The following AMBRA1 variants were observed in gnomAD, a reference collection of about 807,000 sequenced individuals.
AMBRA1 encodes activating molecule in BECN1-regulated autophagy protein 1.
AMBRA1 carries 47 observed loss-of-function variants against 125.4 expected under a neutral mutation model. The ratio of observed to expected loss-of-function variants is 0.37; its 90% CI spans 0.30 to 0.48. The LOEUF (loss-of-function observed/expected upper bound fraction) is 0.48. Ranked by LOEUF, AMBRA1 falls within the 20% of genes least tolerant of loss-of-function variation. The probability of loss-of-function intolerance (pLI) is 0.99; values close to 1 mark genes in which losing one functional copy is unlikely to be tolerated. For missense variants in AMBRA1, 1,331 were observed against 1,693.4 expected (o/e 0.79, Z 3.76); for synonymous variants, 626 against 655.5 (o/e 0.95, Z 0.69).
chr11:46,539,753 T>G (rs1362065165), intron 7 of AMBRA1, among the ~76,000 whole-genome samples: 1 of 152,162 alleles, frequency 6.6e-6, no homozygotes. Flanking sequence ...CATAGAGTCG[T>G]TGTTGAAGGC....
intron 17 of AMBRA1, among the ~76,000 whole-genome samples, chr11:46,402,385 G>A (rs1234806564): frequency 2.6e-5 from 4 of 151,932 alleles, no homozygotes; most frequent in South Asian, 2.1e-4. Flanking sequence ...TTTTTGAGAC[G>A]GAGTCTTGCT....
rs530715238 is a variant in AMBRA1, at chr11:46,568,035, A to C, written c.-120-19535T>G. ...TGGTGGCACATGCCTGTAATTCCAG[A>C]TACTTGGCAGGCTGAGGCACAAGAA... On this transcript the variant is annotated intron_variant, in intron 1 of 17. Transcript: ENST00000683756. 1.0e-3 allele frequency among the ~76,000 whole-genome samples: 156 copies of C among 150,946 alleles called. 1 individual carries two copies. The highest frequency in any genetic ancestry group is 3.7e-3 in the African/African-American group (152 of 41,078).
intron 11 of AMBRA1, among the ~76,000 whole-genome samples, chr11:46,484,224 T>C (rs59649866): frequency 0.071 from 10,741 of 152,248 alleles, 1,231 homozygotes; most frequent in African/African-American, 0.24. Context: ...AAAATATGGG[T>C]TTTGACCTCA....
intron 11 of AMBRA1, among the ~76,000 whole-genome samples, chr11:46,448,676 TCAATAAA>T (rs1282189880): frequency 1.3e-5 from 2 of 151,460 alleles, no homozygotes; most frequent in East Asian, 3.9e-4. Flanking sequence ...CTTTGAAAGA[TCAATAAA>T]CAATAAACAT....
At chr11:46,463,786 A>G (rs1386548114) in intron 11 of AMBRA1, among the ~76,000 whole-genome samples, 1 of 152,204 alleles carries the variant, frequency 6.6e-6, no homozygotes, top group Non-Finnish European at 1.5e-5. Flanking sequence ...TGCAGGGGAA[A>G]TATAACTGCA....
intron 9 of AMBRA1, among the ~76,000 whole-genome samples, chr11:46,505,631 T>A (rs1951006552): frequency 8.0e-6 from 1 of 124,856 alleles, no homozygotes. Context: ...GCATGAAAGG[T>A]GAAGAAGGAA....
intron 11 of AMBRA1, among the ~76,000 whole-genome samples, chr11:46,467,238 C>T (rs766479537): frequency 2.0e-5 from 3 of 151,898 alleles, no homozygotes; most frequent in African/African-American, 7.3e-5. Flanking sequence ...TTTCAATTTC[C>T]GCTATTATCT....
chr11:46,412,467 G>A (rs1002064024), intron 15 of AMBRA1, among the ~76,000 whole-genome samples: 1 of 151,510 alleles, frequency 6.6e-6, no homozygotes, highest in Non-Finnish European at 1.5e-5. Context: ...TTTGTTTTTT[G>A]TTTTGTAGAG....
rs202029338 is a variant in AMBRA1 at position 46,494,144 on chromosome 11, C to T, written c.2400G>A (p.Ser800=). ...APRNARMSAP[S]LGRFVPRRFL... is the part of the protein sequence containing the mutation. ...CTTACCTTGGGACAAAGCGTCCAAG[C>T]GAAGGTGCAGACATCCGGGCATTGC... The change falls in exon 10 of 18, where the codon TCG becomes TCA. Residue 800 remains serine, a synonymous_variant. Transcript: ENST00000683756. The T allele has an allele frequency of 3.5e-5, 56 of 1,608,306 alleles. No homozygotes were observed. Among genetic ancestry groups the T allele is most frequent in the Middle Eastern group, 1.7e-4 (1 of 6,056 alleles).
chr11:46,463,135 G>A (rs1472001), intron 11 of AMBRA1, among the ~76,000 whole-genome samples: 29,271 of 152,082 alleles, frequency 0.19, 3,191 homozygotes, highest in African/African-American at 0.3. Context: ...ATGGCACTTT[G>A]TTTCTCTCTT....
chr11:46,550,164 GC>G (rs1197586797), intron 1 of AMBRA1, among the ~76,000 whole-genome samples: 2 of 152,202 alleles, frequency 1.3e-5, no homozygotes, highest in Non-Finnish European at 2.9e-5. Flanking sequence ...TTGTTAGAAT[GC>G]CTTACATCCT....
chr11:46,565,363 C>T (rs762855047), intron 1 of AMBRA1, among the ~76,000 whole-genome samples: 3 of 151,978 alleles, frequency 2.0e-5, no homozygotes, highest in Admixed American at 2.0e-4. Context: ...GAATCAGCAA[C>T]TGCATGCTTG....
In AMBRA1 at chr11:46,508,348, C is replaced by T. The variant is rs1489326861; in HGVS notation, c.2182G>A (p.Ala728Thr). 6.2e-7 allele frequency: 1 copy of T among 1,614,082 alleles called. No individual in the cohort carries two copies. The change falls in exon 9 of 18, where the codon GCC (alanine) becomes ACC (threonine). Residue 728 changes from alanine (A) to threonine (T), a missense_variant. Ala to Thr is a moderately conservative substitution (Grantham distance 58). Coordinates refer to ENST00000683756, the MANE Select transcript of AMBRA1 (RefSeq NM_001387011.1). ...GAGAGATACTGGATCATCCTCTGGG[C>T]GTAGTATGCAGCAGGAGATAATCTG... ...PARLSPAAYYAQRMIQYLSRR... is the reference protein window; with the variant it reads ...PARLSPAAYYTQRMIQYLSRR...
At chr11:46,487,356 A>C (rs1362899880) in intron 11 of AMBRA1, among the ~76,000 whole-genome samples, 1 of 152,226 alleles carries the variant, frequency 6.6e-6, no homozygotes, top group Non-Finnish European at 1.5e-5. Flanking sequence ...CCAAAAATAA[A>C]GTTAATAACA....
intron 1 of AMBRA1, among the ~76,000 whole-genome samples, chr11:46,560,048 TAC>T (rs1335101853): frequency 7.2e-5 from 11 of 152,172 alleles, no homozygotes; most frequent in Non-Finnish European, 2.9e-5. Flanking sequence ...CAAAGGAAAC[TAC>T]AGTGATTATA....
At chr11:46,460,355 T>G (rs548665654) in intron 11 of AMBRA1, among the ~76,000 whole-genome samples, 156 of 150,756 alleles carry the variant, frequency 1.0e-3, no homozygotes, top group African/African-American at 3.8e-3. Flanking sequence ...GGAGTCTCGC[T>G]CTGTTGCCCA....
rs1331424328 is a variant in AMBRA1, at chr11:46,555,311, C to T, written c.-120-6811G>A. On this transcript the variant is annotated intron_variant, in intron 1 of 17. Transcript: ENST00000683756. ...AATTAGAAGTTAGATTTAGAGGTTC[C>T]TTGTGCAATCTGATTATCTTATGCC... is the stretch of plus-strand genomic sequence containing the variant. Among the ~76,000 whole-genome samples the T allele has an allele frequency of 9.2e-5, 14 of 152,134 alleles. No individual in the cohort carries two copies. The East Asian group carries it at 2.7e-3, about 29-fold the overall frequency.
At chr11:46,466,206 G>T (rs1949316013) in intron 11 of AMBRA1, among the ~76,000 whole-genome samples, 1 of 152,196 alleles carries the variant, frequency 6.6e-6, no homozygotes, top group African/African-American at 2.4e-5. Context: ...ATGAGGCCAG[G>T]CGTGCTGGCA....
chr11:46,520,951 A>G (rs1440845095), intron 7 of AMBRA1, among the ~76,000 whole-genome samples: 3 of 152,042 alleles, frequency 2.0e-5, no homozygotes, highest in Non-Finnish European at 4.4e-5. Flanking sequence ...CAAGTCACCC[A>G]GTAACTTATG....
Sources: gnomAD v4.1 joint callset for allele counts (sites outside exome capture counted in the v4.1 genomes callset) on GRCh38, gnomAD v4.1.1 for gene constraint, MANE v1.5 for transcripts, NCBI Gene and HGNC (gene_info 2026-07-23, HGNC 2026-07-21) for gene names.